MIPOL1: variants seen among roughly 807,000 people sequenced by gnomAD.
The protein encoded by MIPOL1 is mirror-image polydactyly 1.
A neutral mutation model predicts 60.9 loss-of-function variants in MIPOL1; 57 were observed. The ratio of observed to expected loss-of-function variants is 0.94; its 90% CI spans 0.76 to 1.17. The LOEUF is 1.17. Among genes scored for constraint, MIPOL1 ranks in the 50% most tolerant of loss-of-function variants. The pLI, the probability that MIPOL1 is intolerant of heterozygous loss-of-function variation, is 0.00. For synonymous variants in MIPOL1, 179 were observed against 168.8 expected (o/e 1.06, Z -0.47); for missense variants, 551 against 511.6 (o/e 1.08, Z -0.74).
intron 11 of MIPOL1, among the ~76,000 whole-genome samples, chr14:37,486,832 A>G (rs2094954309): frequency 6.6e-6 from 1 of 152,044 alleles, no homozygotes; most frequent in Non-Finnish European, 1.5e-5. Context: ...CTCTTGCCTG[A>G]TTGTCCTGGC....
chr14:37,222,770 C>T (rs137858817), intron 1 of MIPOL1, among the ~76,000 whole-genome samples: 70 of 152,278 alleles, frequency 4.6e-4, no homozygotes, highest in Admixed American at 9.8e-4. Context: ...ACAGAATTGT[C>T]CTAAGCTTTC....
At chr14:37,486,449 C>G (rs1763118458) in intron 11 of MIPOL1, among the ~76,000 whole-genome samples, 1 of 152,126 alleles carries the variant, frequency 6.6e-6, no homozygotes, top group African/African-American at 2.4e-5. Context: ...GATATAGATT[C>G]TTCCTATCCA....
At chr14:37,532,151 A>G (rs980673383) in intron 12 of MIPOL1, among the ~76,000 whole-genome samples, 3 of 152,206 alleles carry the variant, frequency 2.0e-5, no homozygotes, top group Non-Finnish European at 4.4e-5. Flanking sequence ...ATAGATTTAT[A>G]TAAATTGTTA....
intron 9 of MIPOL1, among the ~76,000 whole-genome samples, chr14:37,318,410 A>G (rs532425593): frequency 2.7e-4 from 41 of 152,290 alleles, no homozygotes; most frequent in African/African-American, 7.7e-4. Flanking sequence ...TAGGGAACAT[A>G]TTTGATATTC....
At chr14:37,339,807 A>G (rs1257035013) in intron 9 of MIPOL1, among the ~76,000 whole-genome samples, 1 of 152,174 alleles carries the variant, frequency 6.6e-6, no homozygotes, top group Non-Finnish European at 1.5e-5. Context: ...GCTATTACAA[A>G]TCAGAATAGT....
intron 10 of MIPOL1, among the ~76,000 whole-genome samples, chr14:37,378,154 A>G (rs1459093481): frequency 2.6e-5 from 4 of 152,116 alleles, no homozygotes; most frequent in Admixed American, 6.6e-5. Flanking sequence ...TTAAATTTAT[A>G]CTTACCATAT....
intron 1 of MIPOL1, among the ~76,000 whole-genome samples, chr14:37,231,107 A>T: frequency 6.6e-6 from 1 of 151,948 alleles, no homozygotes; most frequent in East Asian, 1.9e-4. Context: ...TATTATTATT[A>T]TTTTTGAGAC....
At chr14:37,313,292 G>A (rs971725062) in intron 9 of MIPOL1, among the ~76,000 whole-genome samples, 1 of 152,086 alleles carries the variant, frequency 6.6e-6, no homozygotes, top group African/African-American at 2.4e-5. Flanking sequence ...TTAGCTTTGA[G>A]GGCTGACTTT....
At position 37,222,257 on chromosome 14, in the gene MIPOL1, T is replaced by G. The variant is rs148973620; in HGVS notation, c.-199+24153T>G. ...TTTTTTGAGATTGGGTCTCGCTCTG[T>G]CTCCCAGGTGGCTGGAGTGCGGTGG... On this transcript the variant is annotated intron_variant, in intron 1 of 12. Transcript: ENST00000684589. Among the ~76,000 whole-genome samples, 92 of 151,710 alleles carry G rather than the reference T, an allele frequency of 6.1e-4. No homozygotes were observed. The East Asian group carries it at 0.017, about 27-fold the overall frequency.
chr14:37,394,100 A>G (rs1288302463), intron 10 of MIPOL1, among the ~76,000 whole-genome samples: 1 of 128,132 alleles, frequency 7.8e-6, no homozygotes, highest in African/African-American at 2.7e-5. Flanking sequence ...ATGTTCTATC[A>G]TATATATATA....
chr14:37,270,524 A>G lies in MIPOL1; in HGVS notation c.492A>G (p.Ala164=). The G allele has an allele frequency of 6.4e-7, 1 of 1,557,404 alleles. No homozygotes were observed. Among genetic ancestry groups the G allele is most frequent in the Non-Finnish European group, 8.8e-7 (1 of 1,139,574 alleles). The change falls in exon 6 of 13, where the codon GCA becomes GCG. Residue 164 remains alanine, a splice_region_variant and synonymous_variant. Transcript: ENST00000684589. ...ETEAKIAEKT[A]ALVEEVYFAQ... ...AAGCTAAAATTGCTGAAAAGACAGC[A>G]GGTATAGTAGAGGAGTATTAACACA...
intron 10 of MIPOL1, among the ~76,000 whole-genome samples, chr14:37,375,512 C>G (rs1039795477): frequency 1.3e-5 from 2 of 152,126 alleles, no homozygotes; most frequent in African/African-American, 4.8e-5. Context: ...ATTTACCTTC[C>G]TACTCACACA....
chr14:37,299,630 T>A (rs1221140122), intron 7 of MIPOL1, among the ~76,000 whole-genome samples: 1 of 152,020 alleles, frequency 6.6e-6, no homozygotes, highest in East Asian at 1.9e-4. Flanking sequence ...TAGAATAGTT[T>A]TATATTTCTA....
In MIPOL1 at chr14:37,413,778, C is replaced by A. The variant is rs141636329; in HGVS notation, c.937-9077C>A. 5.7e-4 allele frequency among the ~76,000 whole-genome samples: 87 copies of A among 152,266 alleles called. 1 individual carries two copies. The highest frequency in any genetic ancestry group is 2.0e-3 in the African/African-American group (84 of 41,560). ...CTGGTTGGAGTGAGGGATTGGGAAA[C>A]AAGGCAGTTCCTAAGACACCTTAGT... is the stretch of plus-strand genomic sequence containing the variant. On this transcript the variant is annotated intron_variant, in intron 10 of 12. Coordinates refer to ENST00000684589, the MANE Select transcript of MIPOL1 (RefSeq NM_001388067.1).
chr14:37,548,972 T>C lies in MIPOL1; in HGVS notation c.*2001T>C, dbSNP rs1409916883. ...CAGTATAGGTAATCTCCCAAAAATA[T>C]CACATCCTCTTGAAAATGAATTGTC... On this transcript the variant is annotated 3_prime_UTR_variant, in exon 13 of 13. Transcript: ENST00000684589. The C allele has an allele frequency of 6.6e-6, 1 of 151,950 alleles. No homozygotes were observed. Among genetic ancestry groups the C allele is most frequent in the African/African-American group, 2.4e-5 (1 of 41,430 alleles). The allele number at this position is 151,950 out of a possible 1,614,324, so 9.4% of individuals were successfully genotyped here. A position where few individuals can be genotyped will look rare whatever the true frequency, so the allele number is the denominator to read the frequency against.
intron 6 of MIPOL1, among the ~76,000 whole-genome samples, chr14:37,280,626 T>C (rs1436087566): frequency 6.6e-6 from 1 of 152,172 alleles, no homozygotes; most frequent in Admixed American, 6.6e-5. Flanking sequence ...TTTTGAGAAA[T>C]ATTTGTTAGG....
At chr14:37,341,361 G>A (rs2090559952) in intron 9 of MIPOL1, among the ~76,000 whole-genome samples, 1 of 152,116 alleles carries the variant, frequency 6.6e-6, no homozygotes, top group South Asian at 2.1e-4. Flanking sequence ...TCTAAAAAGA[G>A]CGTTCTGATT....
intron 1 of MIPOL1, among the ~76,000 whole-genome samples, chr14:37,214,283 G>C (rs1967207610): frequency 6.6e-6 from 1 of 152,104 alleles, no homozygotes; most frequent in Non-Finnish European, 1.5e-5. Flanking sequence ...TCAAGACATA[G>C]TACCATAAGA....
intron 1 of MIPOL1, among the ~76,000 whole-genome samples, chr14:37,237,950 T>G (rs556537381): frequency 6.6e-6 from 1 of 152,198 alleles, no homozygotes; most frequent in East Asian, 1.9e-4. Flanking sequence ...TTGAGCTTGT[T>G]TTTTTTGAAA....
Sources: gnomAD v4.1 joint callset for allele counts (sites outside exome capture counted in the v4.1 genomes callset) on GRCh38, gnomAD v4.1.1 for gene constraint, MANE v1.5 for transcripts, NCBI Gene and HGNC (gene_info 2026-07-23, HGNC 2026-07-21) for gene names.